Variants in COBLL1 observed in about 807,000 individuals in gnomAD.
COBLL1 encodes cordon-bleu WH2 repeat protein like 1, also known as cordon-bleu protein-like 1.
In COBLL1, 50 loss-of-function variants were observed where a neutral mutation model predicts 94.8. The observed-to-expected ratio is 0.53, with a 90% CI of 0.42 to 0.67. The LOEUF (loss-of-function observed/expected upper bound fraction) is 0.67. Among genes scored for constraint, COBLL1 ranks in the 30% least tolerant of loss-of-function variants. The pLI is 0.00. For missense variants in COBLL1, 1,362 were observed against 1,348.7 expected (o/e 1.01, Z -0.15); for synonymous variants, 448 against 473.8 (o/e 0.95, Z 0.71).
downstream of COBLL1, among the ~76,000 whole-genome samples, chr2:164,676,034 A>G (rs1414554487): frequency 6.6e-6 from 1 of 152,226 alleles, no homozygotes; most frequent in East Asian, 1.9e-4. Context: ...TAAATAGAGT[A>G]CAGGGATTAA....
intron 2 of COBLL1, among the ~76,000 whole-genome samples, chr2:164,822,958 G>A (rs896822577): frequency 7.2e-5 from 11 of 151,744 alleles, no homozygotes; most frequent in East Asian, 1.9e-4. Context: ...TAGGAGAGAC[G>A]GAATATTGCC....
intron 2 of COBLL1, chr2:164,761,465 A>C (rs1687681524): frequency 6.6e-6 from 1 of 152,312 alleles, no homozygotes; most frequent in African/African-American, 2.4e-5. Context: ...TCAAAAAAAA[A>C]AAAAATGCAA....
chr2:164,729,008 T>C (rs1454398621), intron 4 of COBLL1, among the ~76,000 whole-genome samples: 3 of 151,874 alleles, frequency 2.0e-5, no homozygotes, highest in Admixed American at 2.0e-4. Context: ...TCCCACGCTA[T>C]AGCATAAATA....
chr2:164,810,742 A>AT (rs1393618031), intron 2 of COBLL1, among the ~76,000 whole-genome samples: 34 of 152,030 alleles, frequency 2.2e-4, no homozygotes, highest in Non-Finnish European at 4.1e-4. Flanking sequence ...TTTAAAAAAA[A>AT]CTATCCAAAA....
intron 2 of COBLL1, among the ~76,000 whole-genome samples, chr2:164,826,850 G>A (rs1361294780): frequency 6.6e-6 from 1 of 151,936 alleles, no homozygotes; most frequent in East Asian, 1.9e-4. Context: ...TGGAATACTT[G>A]ATCCCATTAA....
intron 2 of COBLL1, among the ~76,000 whole-genome samples, chr2:164,835,506 A>C (rs1683278807): frequency 1.3e-5 from 2 of 152,178 alleles, no homozygotes; most frequent in African/African-American, 4.8e-5. Context: ...GGAATGGGGA[A>C]GTTATTGTTT....
At chr2:164,693,839 T>C (rs1683746013) in intron 12 of COBLL1, among the ~76,000 whole-genome samples, 1 of 152,210 alleles carries the variant, frequency 6.6e-6, no homozygotes, top group Non-Finnish European at 1.5e-5. Context: ...TCAGTTATTT[T>C]GTCTAGCCTC....
At chr2:164,808,042 A>G (rs1333342455) in intron 2 of COBLL1, among the ~76,000 whole-genome samples, 1 of 151,676 alleles carries the variant, frequency 6.6e-6, no homozygotes, top group East Asian at 1.9e-4. Flanking sequence ...CTGGTCTTAA[A>G]CTCCTTATCT....
intron 5 of COBLL1, among the ~76,000 whole-genome samples, chr2:164,725,341 C>G (rs889032512): frequency 6.6e-6 from 1 of 151,902 alleles, no homozygotes; most frequent in Non-Finnish European, 1.5e-5. Context: ...TATGGATACA[C>G]AATTAAATTT....
chr2:164,748,001 T>G (rs1460380667), intron 2 of COBLL1, among the ~76,000 whole-genome samples: 6 of 151,616 alleles, frequency 4.0e-5, no homozygotes. Flanking sequence ...AAAATTTAGG[T>G]CAGTGAAAGC....
At chr2:164,733,612 A>T (rs1451772424) in intron 3 of COBLL1, among the ~76,000 whole-genome samples, 1 of 152,218 alleles carries the variant, frequency 6.6e-6, no homozygotes, top group Admixed American at 6.5e-5. Context: ...ACATAACTAC[A>T]TATGTGAATT....
intron 3 of COBLL1, among the ~76,000 whole-genome samples, chr2:164,742,377 TA>T (rs969346525): frequency 2.0e-5 from 3 of 149,512 alleles, no homozygotes; most frequent in Non-Finnish European, 3.0e-5. Context: ...CAGGAAAAAT[TA>T]AAAAAAAATA....
At position 164,682,021 on chromosome 2, in the gene COBLL1, T is replaced by C. The variant is rs534047761; in HGVS notation, c.*3925A>G. The C allele has an allele frequency of 1.3e-5, 2 of 152,348 alleles. No homozygotes were observed. The highest frequency in any genetic ancestry group is 4.8e-5 in the African/African-American group (2 of 41,588). The allele number at this position is 152,348 out of a possible 1,614,324, so 9.4% of individuals were successfully genotyped here. ...TGAAGATTCAGAACAAATAACTTCCTATTCTGGTATCCCTTGAAATCTAGC... is the reference window on the plus strand; with the variant it reads ...TGAAGATTCAGAACAAATAACTTCCCATTCTGGTATCCCTTGAAATCTAGC... On this transcript the variant is annotated 3_prime_UTR_variant, in exon 14 of 14. Coordinates refer to ENST00000652658, the MANE Select transcript of COBLL1 (RefSeq NM_001365672.2).
Position 164,672,437 on chromosome 2 carries a change from G to A in COBLL1, n.127-6536C>T, listed in dbSNP as rs1266098020. Among the ~76,000 whole-genome samples, 4 of 152,142 alleles carry A rather than the reference G, an allele frequency of 2.6e-5. 1 individual carries two copies. In the South Asian group the frequency reaches 6.2e-4, roughly 24 times the overall value. ...TTGTAGGCCGGGCGCGGTGGCTCACGCCTGTAATCCCAGCACTTTGGGAGG... is the reference window on the plus strand; with the variant it reads ...TTGTAGGCCGGGCGCGGTGGCTCACACCTGTAATCCCAGCACTTTGGGAGG... On this transcript the variant is annotated intron_variant and non_coding_transcript_variant, in intron 1 of 2. Transcript: ENST00000495084.
At chr2:164,738,955 C>T (rs1686459511) in intron 3 of COBLL1, among the ~76,000 whole-genome samples, 1 of 152,102 alleles carries the variant, frequency 6.6e-6, no homozygotes, top group Non-Finnish European at 1.5e-5. Flanking sequence ...TAGACATACA[C>T]ACACATACAT....
chr2:164,698,941 A>G (rs1227647631), intron 11 of COBLL1, among the ~76,000 whole-genome samples: 1 of 152,018 alleles, frequency 6.6e-6, no homozygotes, highest in Non-Finnish European at 1.5e-5. Context: ...ACAGTGGTAA[A>G]TAAGGTTATA....
intron 3 of COBLL1, among the ~76,000 whole-genome samples, chr2:164,731,587 T>A (rs1686014696): frequency 6.6e-6 from 1 of 152,308 alleles, no homozygotes; most frequent in South Asian, 2.1e-4. Context: ...CACTTAAGAA[T>A]AAGGCACTAA....
intron 2 of COBLL1, among the ~76,000 whole-genome samples, chr2:164,753,647 G>C (rs1687238242): frequency 6.6e-6 from 1 of 151,476 alleles, no homozygotes; most frequent in African/African-American, 2.4e-5. Context: ...TACAGTTTTA[G>C]TTTATTTAGT....
intron 2 of COBLL1, among the ~76,000 whole-genome samples, chr2:164,768,140 C>G (rs1380645230): frequency 2.0e-5 from 3 of 152,100 alleles, no homozygotes; most frequent in Non-Finnish European, 4.4e-5. Flanking sequence ...TGACCTGAAA[C>G]TTGATTTTTT....
Sources: gnomAD v4.1 joint callset for allele counts (sites outside exome capture counted in the v4.1 genomes callset) on GRCh38, gnomAD v4.1.1 for gene constraint, MANE v1.5 for transcripts, NCBI Gene and HGNC (gene_info 2026-07-23, HGNC 2026-07-21) for gene names.